The following RNF213 variants were observed in gnomAD, a reference collection of about 807,000 sequenced individuals.
RNF213 encodes ring finger protein 213.
In RNF213, 341 loss-of-function variants were observed where a neutral mutation model predicts 514.4. That is an observed-to-expected ratio of 0.66 (90% CI 0.61 to 0.73). RNF213 has a LOEUF of 0.73. Among genes scored for constraint, RNF213 ranks in the 30% least tolerant of loss-of-function variants. The probability of loss-of-function intolerance (pLI) is 0.00; values close to 1 mark genes in which losing one functional copy is unlikely to be tolerated. For synonymous variants in RNF213, 2,655 were observed against 2,658.2 expected, an observed-to-expected ratio of 1.00 and a Z score of 0.04; for missense variants, 5,767 against 6,615.6, an observed-to-expected ratio of 0.87 and a Z score of 4.45.
intron 2 of RNF213, among the ~76,000 whole-genome samples, chr17:80,266,587 T>A (rs963243881): frequency 1.2e-4 from 19 of 152,042 alleles, no homozygotes; most frequent in Admixed American, 3.3e-4. Context: ...CTGCAACCTT[T>A]ACCTCCCAGG....
intron 22 of RNF213, 146 bp downstream of exon 22, chr17:80,334,416 G>T: frequency 1.2e-6 from 1 of 816,020 alleles, no homozygotes; most frequent in Non-Finnish European, 1.9e-6. Flanking sequence ...ATGCTTTAGG[G>T]AGATGGGCAC....
At chr17:80,354,361 G>T in intron 35 of RNF213, 80 bp from the exon 36 acceptor site, 3 of 1,604,490 alleles carry the variant, frequency 1.9e-6, no homozygotes, top group South Asian at 1.1e-5. Context: ...TTCCCTTCCT[G>T]GGGGAGGTGG....
At chr17:80,304,393 C>T (rs2045284903) in intron 11 of RNF213, among the ~76,000 whole-genome samples, 1 of 152,124 alleles carries the variant, frequency 6.6e-6, no homozygotes, top group South Asian at 2.1e-4. Context: ...GTAATCCCAG[C>T]ACTTTGGGAG....
intron 63 of RNF213, among the ~76,000 whole-genome samples, chr17:80,387,894 C>A (rs192980468): frequency 7.2e-5 from 11 of 151,730 alleles, no homozygotes; most frequent in Admixed American, 7.2e-4. Flanking sequence ...GCAGTCATAT[C>A]TACTGTACTT....
chr17:80,295,436 A>C, intron 9 of RNF213, 121 bp from the exon 10 acceptor site: 1 of 1,258,894 alleles, frequency 7.9e-7, no homozygotes, highest in Non-Finnish European at 1.1e-6. Flanking sequence ...TGGCTCTCAC[A>C]GGTGTGGTGG....
chr17:80,287,387 C>T (rs2044509446), intron 3 of RNF213, among the ~76,000 whole-genome samples: 1 of 152,240 alleles, frequency 6.6e-6, no homozygotes, highest in Admixed American at 6.5e-5. Context: ...CCTATAGTCT[C>T]AGCTACTCAA....
At chr17:80,363,078 T>G (rs778436972) in intron 39 of RNF213, 24 bp from the exon 40 acceptor site, 1 of 1,601,158 alleles carries the variant, frequency 6.2e-7, no homozygotes, top group Non-Finnish European at 8.6e-7. Context: ...AAAAATATAT[T>G]CTAAAAGCTT....
intron 37 of RNF213, among the ~76,000 whole-genome samples, chr17:80,359,612 G>A (rs1400543490): frequency 2.1e-5 from 3 of 145,276 alleles, no homozygotes; most frequent in Middle Eastern, 3.2e-3. Context: ...GAGAAAGAGA[G>A]AAAGAAAGTA....
intron 52 of RNF213, 106 bp from the exon 53 acceptor site, chr17:80,376,776 G>C: frequency 1.7e-6 from 2 of 1,164,518 alleles, no homozygotes; most frequent in Non-Finnish European, 1.3e-6. Flanking sequence ...AAGTCCAGCA[G>C]AAGGAAAGCA....
chr17:80,397,173 A>G lies in RNF213; in HGVS notation c.*3675A>G, dbSNP rs1372243188. 1 of 151,998 alleles carries G rather than the reference A, an allele frequency of 6.6e-6. No individual in the cohort carries two copies. 9.4% of individuals were successfully genotyped at this position (151,998 alleles called of 1,614,324 possible). ...ATCCAAGGGCTCCTTCACCCTGACC[A>G]CTCTGGAACCCAACAAAGCTGACAC... is the stretch of plus-strand genomic sequence containing the variant. On this transcript the variant is annotated 3_prime_UTR_variant, in exon 68 of 68. Transcript: ENST00000582970.
At chr17:80,332,689 C>G (rs1156318415) in intron 21 of RNF213, 58 bp downstream of exon 21, 1 of 1,442,626 alleles carries the variant, frequency 6.9e-7, no homozygotes, top group Non-Finnish European at 9.1e-7. Flanking sequence ...TCAGCCTCTT[C>G]AGGAGCCATG....
chr17:80,351,664 C>CT lies in RNF213; in HGVS notation c.10185-11dup, dbSNP rs148590969. ...TGTGTTTGTTTTTAAAATAGGTATT[C>CT]TTTTTTTTTTCTTTAAATAGGTATT... On this transcript the variant is annotated intron_variant, in intron 31 of 67. Transcript: ENST00000582970. 0.043 allele frequency: 48,946 copies of CT among 1,134,638 alleles called. 1,312 individuals are homozygous for CT. Among genetic ancestry groups the CT allele is most frequent in the African/African-American group, 0.21 (13,188 of 63,964 alleles). The allele number at this position is 1,134,638 out of a possible 1,614,324, so 70.3% of individuals were successfully genotyped here.
At chr17:80,378,913 C>G (rs1187166956) in intron 54 of RNF213, among the ~76,000 whole-genome samples, 2 of 152,182 alleles carry the variant, frequency 1.3e-5, no homozygotes, top group African/African-American at 4.8e-5. Flanking sequence ...GTAGGTCACA[C>G]CTGTAATCCC....
chr17:80,346,364 G>A lies in RNF213; in HGVS notation c.8029G>A (p.Glu2677Lys), dbSNP rs767005368. The change falls in exon 29 of 68, where the codon GAG (glutamate) becomes AAG (lysine). Residue 2677 changes from glutamate (E) to lysine (K), a missense_variant. By Grantham distance (56) the Glu-to-Lys change is moderately conservative (BLOSUM62 1). Coordinates refer to ENST00000582970, the MANE Select transcript of RNF213 (RefSeq NM_001256071.3). This position sits in a 1 kb window ranked among gnomAD's most constrained non-coding sequence, Gnocchi z 8.1. ...GTCCAGCGTCAGCAAAAATCACACC[G>A]AGAGAGATCCCGTCCTCTGGTCGTT... ...SKSSVSKNHT[E>K]RDPVLWSLML... 5.0e-6 allele frequency: 8 copies of A among 1,613,306 alleles called. No homozygotes were observed. Among genetic ancestry groups the A allele is most frequent in the African/African-American group, 2.7e-5 (2 of 74,904 alleles).
At chr17:80,275,353 G>A (rs1359642214) in intron 3 of RNF213, among the ~76,000 whole-genome samples, 1 of 151,950 alleles carries the variant, frequency 6.6e-6, no homozygotes, top group African/African-American at 2.4e-5. Flanking sequence ...TGGGAAAGTG[G>A]CAGTACGGAT....
rs1315272352 is a variant in RNF213 at position 80,345,596 on chromosome 17, G to A, written c.7261G>A (p.Glu2421Lys). The A allele has an allele frequency of 6.2e-7, 1 of 1,614,026 alleles. No homozygotes were observed. The highest frequency in any genetic ancestry group is 1.1e-5 in the South Asian group (1 of 91,074). The change falls in exon 29 of 68, where the codon GAA (glutamate) becomes AAA (lysine). Residue 2421 changes from glutamate to lysine, a missense_variant. Glu to Lys is a moderately conservative substitution (Grantham distance 56). Transcript: ENST00000582970. This position sits in a 1 kb window ranked among gnomAD's most constrained non-coding sequence, Gnocchi z 6.0. ...TGGGATCCCGGTTATCATCATGGGAGAAACTGGCTGTGGGAAAACCAGGCT... is the reference window on the plus strand; with the variant it reads ...TGGGATCCCGGTTATCATCATGGGAAAAACTGGCTGTGGGAAAACCAGGCT... The part of the protein sequence containing the change: ...RCGIPVIIMG[E>K]TGCGKTRLIK...
At chr17:80,311,555 A>G (rs1156572536) in intron 14 of RNF213, among the ~76,000 whole-genome samples, 1 of 152,204 alleles carries the variant, frequency 6.6e-6, no homozygotes, top group Non-Finnish European at 1.5e-5. Flanking sequence ...CTTTCACAGC[A>G]GCACCTGCAT....
In RNF213 at chr17:80,393,796, C is replaced by T. The variant is rs763266687; in HGVS notation, c.*298C>T. ...GAAATAAACCAACATTGTTTACATTCCAGGAGACTTGTAGCTCAGCCACAC... is the reference window on the plus strand; with the variant it reads ...GAAATAAACCAACATTGTTTACATTTCAGGAGACTTGTAGCTCAGCCACAC... On this transcript the variant is annotated 3_prime_UTR_variant, in exon 68 of 68. Transcript: ENST00000582970. The T allele has an allele frequency of 1.3e-5, 5 of 384,354 alleles. No homozygotes were observed. The highest frequency in any genetic ancestry group is 2.5e-5 in the Non-Finnish European group (5 of 201,752). The allele number at this position is 384,354 out of a possible 1,614,324, so 23.8% of individuals were successfully genotyped here. A position where few individuals can be genotyped will look rare whatever the true frequency, so the allele number is the denominator to read the frequency against.
chr17:80,286,228 C>G (rs1276482675), intron 3 of RNF213, among the ~76,000 whole-genome samples: 1 of 145,282 alleles, frequency 6.9e-6, no homozygotes, highest in African/African-American at 2.6e-5. Context: ...GGACGCAGGC[C>G]GAGCGGGAGG....
Sources: gnomAD v4.1 joint callset for allele counts (sites outside exome capture counted in the v4.1 genomes callset) on GRCh38, gnomAD v4.1.1 for gene constraint, Gnocchi (gnomAD v3.1) non-coding constraint, MANE v1.5 for transcripts, NCBI Gene and HGNC (gene_info 2026-07-23, HGNC 2026-07-21) for gene names.